ERC2: variants seen among roughly 807,000 people sequenced by gnomAD.
ERC2 encodes the protein ELKS/RAB6-interacting/CAST family member 2.
In ERC2, 42 loss-of-function variants were observed where a neutral mutation model predicts 114.8. The ratio of observed to expected loss-of-function variants is 0.37; its 90% CI spans 0.29 to 0.47. The LOEUF (loss-of-function observed/expected upper bound fraction) is 0.47. ERC2 is among the 20% of genes least tolerant of loss of function. The probability of loss-of-function intolerance (pLI) is 0.99; values close to 1 mark genes in which losing one functional copy is unlikely to be tolerated. For missense variants in ERC2, 939 were observed against 1,150.7 expected, an observed-to-expected ratio of 0.82 and a Z score of 2.66; for synonymous variants, 454 against 425.5, an observed-to-expected ratio of 1.07 and a Z score of -0.82.
rs189986014 is a variant in ERC2 at position 55,859,425 on chromosome 3, G to A, written c.2564+28964C>T. Among the ~76,000 whole-genome samples, 139 of 152,158 alleles carry A rather than the reference G, an allele frequency of 9.1e-4. 1 individual carries two copies. Among genetic ancestry groups the A allele is most frequent in the South Asian group, 7.5e-3 (36 of 4,808 alleles). Reference sequence around the variant, plus strand: ...AGTCAGTGGAGGGGCTGCTAAAGCTGTCTTCGTGTTTGTCTGTGCCACTGG... The same window carrying A: ...AGTCAGTGGAGGGGCTGCTAAAGCTATCTTCGTGTTTGTCTGTGCCACTGG... On this transcript the variant is annotated intron_variant, in intron 14 of 17. Coordinates refer to ENST00000288221, the MANE Select transcript of ERC2 (RefSeq NM_015576.3).
At chr3:56,218,141 G>C (rs890474211) in intron 3 of ERC2, among the ~76,000 whole-genome samples, 1 of 152,108 alleles carries the variant, frequency 6.6e-6, no homozygotes. Context: ...TGACAAATGG[G>C]ATCTAATTAA....
In ERC2 at chr3:56,131,326, G is replaced by A. The variant is rs550019852; in HGVS notation, c.1473+8183C>T. Among the ~76,000 whole-genome samples, 9 of 152,244 alleles carry A rather than the reference G, an allele frequency of 5.9e-5. No individual in the cohort carries two copies. In the South Asian group the frequency reaches 1.0e-3, roughly 18 times the overall value. On this transcript the variant is annotated intron_variant, in intron 6 of 17. Coordinates refer to ENST00000288221, the MANE Select transcript of ERC2 (RefSeq NM_015576.3). ...GAGGAAAAATACAAATGACACCAGG[G>A]CTTTGTTTTGTATATATATTTTTCT...
chr3:55,777,330 G>T (rs1170068224), intron 14 of ERC2, among the ~76,000 whole-genome samples: 1 of 152,196 alleles, frequency 6.6e-6, no homozygotes, highest in Non-Finnish European at 1.5e-5. Context: ...CTGCAACTGT[G>T]TTACAGTGAA....
chr3:55,836,892 T>C (rs62251599), intron 14 of ERC2, among the ~76,000 whole-genome samples: 14 of 151,828 alleles, frequency 9.2e-5, no homozygotes, highest in Non-Finnish European at 1.5e-4. Context: ...TACAATGAAC[T>C]CAAACAAATT....
chr3:55,982,856 T>C lies in ERC2; in HGVS notation c.2267+3121A>G, dbSNP rs111372047. Among the ~76,000 whole-genome samples the C allele has an allele frequency of 8.4e-3, 1,285 of 152,326 alleles. 21 individuals are homozygous for C. Among genetic ancestry groups the C allele is most frequent in the African/African-American group, 0.029 (1,226 of 41,576 alleles). On this transcript the variant is annotated intron_variant, in intron 12 of 17. Coordinates refer to ENST00000288221, the MANE Select transcript of ERC2 (RefSeq NM_015576.3). ...GAGTTCTGGGAGGAGTGACTTCACCTTTTGCTAGAAGAATGAGGGATTGAA... is the reference window on the plus strand; with the variant it reads ...GAGTTCTGGGAGGAGTGACTTCACCCTTTGCTAGAAGAATGAGGGATTGAA...
chr3:56,450,220 T>C (rs182508940), intron 1 of ERC2, among the ~76,000 whole-genome samples: 2 of 152,320 alleles, frequency 1.3e-5, no homozygotes, highest in Non-Finnish European at 1.5e-5. Context: ...TCTCCTTTAG[T>C]TCCCCCAAAC....
chr3:56,249,956 C>G (rs2052027100), intron 3 of ERC2, among the ~76,000 whole-genome samples: 1 of 143,356 alleles, frequency 7.0e-6, no homozygotes, highest in Non-Finnish European at 1.5e-5. Context: ...CTCCCGGGTT[C>G]AAGCGATTCT....
chr3:56,120,067 G>T (rs1438930322), intron 6 of ERC2, among the ~76,000 whole-genome samples: 1 of 152,176 alleles, frequency 6.6e-6, no homozygotes, highest in Non-Finnish European at 1.5e-5. Context: ...ATGACTAACA[G>T]ATGTCTTTTG....
At chr3:55,712,905 C>T (rs1010770768) in intron 15 of ERC2, among the ~76,000 whole-genome samples, 22 of 152,134 alleles carry the variant, frequency 1.4e-4, no homozygotes, top group Admixed American at 3.3e-4. Context: ...TGCATCAAGG[C>T]TCCTTTGAGA....
intron 13 of ERC2, among the ~76,000 whole-genome samples, chr3:55,930,335 G>A (rs1031265562): frequency 6.6e-6 from 1 of 152,216 alleles, no homozygotes; most frequent in South Asian, 2.1e-4. Flanking sequence ...GTAAGGCAGA[G>A]ATTACCACAG....
At chr3:56,102,663 C>T (rs1435204993) in intron 6 of ERC2, among the ~76,000 whole-genome samples, 1 of 152,174 alleles carries the variant, frequency 6.6e-6, no homozygotes, top group Non-Finnish European at 1.5e-5. Context: ...AATTCTGTGT[C>T]CTTTCTATTA....
At chr3:55,637,722 C>A (rs931539775) in intron 17 of ERC2, among the ~76,000 whole-genome samples, 5 of 152,122 alleles carry the variant, frequency 3.3e-5, no homozygotes, top group African/African-American at 7.2e-5. Context: ...ACAATCAAGT[C>A]AAAAGAACCT....
At chr3:55,791,146 CT>C (rs1279059014) in intron 14 of ERC2, among the ~76,000 whole-genome samples, 1 of 152,120 alleles carries the variant, frequency 6.6e-6, no homozygotes, top group Non-Finnish European at 1.5e-5. Flanking sequence ...AGATTTTGTT[CT>C]AGATAACACA....
intron 4 of ERC2, among the ~76,000 whole-genome samples, chr3:56,166,328 T>C (rs1404274920): frequency 2.6e-5 from 4 of 152,062 alleles, no homozygotes; most frequent in African/African-American, 9.7e-5. Flanking sequence ...CTTGTAATTT[T>C]CCTTTTTTGT....
intron 2 of ERC2, among the ~76,000 whole-genome samples, chr3:56,362,184 AG>A (rs1314156641): frequency 6.6e-6 from 1 of 152,190 alleles, no homozygotes; most frequent in Non-Finnish European, 1.5e-5. Flanking sequence ...GAAGGGAGGG[AG>A]GAAGGGAAAG....
At chr3:56,351,147 A>G (rs533963152) in intron 2 of ERC2, among the ~76,000 whole-genome samples, 2 of 152,188 alleles carry the variant, frequency 1.3e-5, no homozygotes, top group Non-Finnish European at 2.9e-5. Flanking sequence ...TAAACTAACA[A>G]CCCCATTTAA....
intron 2 of ERC2, among the ~76,000 whole-genome samples, chr3:56,375,129 C>T (rs2059491598): frequency 6.6e-6 from 1 of 152,128 alleles, no homozygotes; most frequent in Non-Finnish European, 1.5e-5. Context: ...GGAGAATTTA[C>T]ATAGTAATCT....
intron 17 of ERC2, among the ~76,000 whole-genome samples, chr3:55,625,374 G>GAAAAAAAA (rs60450668): frequency 8.3e-6 from 1 of 119,876 alleles, no homozygotes; most frequent in Non-Finnish European, 1.7e-5. Flanking sequence ...CTCAAAAAAA[G>GAAAAAAAA]AAAAAAAAAA....
intron 2 of ERC2, among the ~76,000 whole-genome samples, chr3:56,390,893 T>C (rs1210655914): frequency 6.6e-6 from 1 of 152,064 alleles, no homozygotes; most frequent in Non-Finnish European, 1.5e-5. Flanking sequence ...CACTTAAGGG[T>C]GGACTGTGAC....
Sources: gnomAD v4.1 joint callset for allele counts (sites outside exome capture counted in the v4.1 genomes callset) on GRCh38, gnomAD v4.1.1 for gene constraint, MANE v1.5 for transcripts, NCBI Gene and HGNC (gene_info 2026-07-23, HGNC 2026-07-21) for gene names.